SOD2: variants seen among roughly 807,000 people sequenced by gnomAD.
SOD2 encodes the protein superoxide dismutase 2, also known as superoxide dismutase [Mn], mitochondrial.
SOD2 carries 11 observed loss-of-function variants against 27.0 expected under a neutral mutation model. The ratio of observed to expected loss-of-function variants is 0.41; its 90% CI spans 0.26 to 0.67. SOD2 has a LOEUF of 0.67. SOD2 is among the 30% of genes least tolerant of loss of function. The probability of loss-of-function intolerance (pLI) is 0.34; values close to 1 mark genes in which losing one functional copy is unlikely to be tolerated. For missense variants in SOD2, 250 were observed against 274.5 expected, an observed-to-expected ratio of 0.91 and a Z score of 0.63; for synonymous variants, 105 against 103.0, an observed-to-expected ratio of 1.02 and a Z score of -0.12.
At chr6:159,697,957 T>A (rs536527447), upstream of SOD2, among the ~76,000 whole-genome samples, 76 of 152,196 alleles carry the variant, frequency 5.0e-4, no homozygotes, top group Admixed American at 1.1e-3. Flanking sequence ...CTGGCCAACA[T>A]GGTGAAACCC....
intron 1 of SOD2, among the ~76,000 whole-genome samples, chr6:159,717,545 CTAT>C (rs1246759955): frequency 6.6e-6 from 1 of 152,130 alleles, no homozygotes; most frequent in East Asian, 1.9e-4. Context: ...ATTCAAATAT[CTAT>C]TATTTCTTTG....
rs111932299 is a variant in SOD2 at position 159,738,878 on chromosome 6, A to G, written c.-116+6252T>C. The G allele has an allele frequency of 1.0e-5, 7 of 696,424 alleles. 1 individual carries two copies. The highest frequency in any genetic ancestry group is 3.7e-5 in the African/African-American group (2 of 54,144). 43.1% of individuals were successfully genotyped at this position (696,424 alleles called of 1,614,324 possible). ...TAAAATACTTTTTCAAAAAATCATA[A>G]TATGTACTGAGCCGTTTAAATCTCA... On this transcript the variant is annotated intron_variant, in intron 1 of 3. Transcript: ENST00000537657.
At chr6:159,732,977 T>C (rs1445188485) in intron 1 of SOD2, among the ~76,000 whole-genome samples, 1 of 151,852 alleles carries the variant, frequency 6.6e-6, no homozygotes, top group Non-Finnish European at 1.5e-5. Flanking sequence ...AGATTTGATA[T>C]CTGGGTTCTA....
chr6:159,738,943 G>T (rs1779081076), intron 1 of SOD2: 2 of 1,435,700 alleles, frequency 1.4e-6, no homozygotes, highest in Non-Finnish European at 1.9e-6. Flanking sequence ...ATAGAACTTT[G>T]TGTCTTCAGG....
intron 1 of SOD2, among the ~76,000 whole-genome samples, chr6:159,715,148 G>C (rs996100592): frequency 4.6e-5 from 7 of 152,040 alleles, no homozygotes; most frequent in Non-Finnish European, 1.0e-4. Flanking sequence ...TTGTTGTGTA[G>C]GAGAGAGTTT....
In SOD2 at chr6:159,673,255, G is replaced by C. The variant is rs1779706914; in HGVS notation, c.*9238C>G. ...AGCTCTGCACCAAGCAGACCTAATAGACATCTACAGAACTCTCCACCCCAA... is the reference window on the plus strand; with the variant it reads ...AGCTCTGCACCAAGCAGACCTAATACACATCTACAGAACTCTCCACCCCAA... On this transcript the variant is annotated 3_prime_UTR_variant, in exon 5 of 5. Transcript: ENST00000538183. 6.6e-6 allele frequency: 1 copy of C among 152,166 alleles called. No individual in the cohort carries two copies. Among genetic ancestry groups the C allele is most frequent in the African/African-American group, 2.4e-5 (1 of 41,448 alleles). 9.4% of individuals were successfully genotyped at this position (152,166 alleles called of 1,614,324 possible). A position where few individuals can be genotyped will look rare whatever the true frequency, so the allele number is the denominator to read the frequency against.
At chr6:159,686,580 C>T (rs1182155786) in intron 3 of SOD2, among the ~76,000 whole-genome samples, 3 of 152,118 alleles carry the variant, frequency 2.0e-5, no homozygotes, top group African/African-American at 7.2e-5. Context: ...CCGGGATGGG[C>T]AGAGGCTGCA....
At chr6:159,693,295 A>T, upstream of SOD2, 1 of 659,416 alleles carries the variant, frequency 1.5e-6, no homozygotes, top group Non-Finnish European at 2.3e-6. Context: ...CAGGGCCGCG[A>T]CCCCAGCTGC....
chr6:159,755,765 CTTTTTTTTTT>C lies in SOD2; in HGVS notation c.-336+5262_-336+5271del. Reference sequence around the variant, plus strand: ...TTTTTCTTTGTTTTTTTTTTCTTTTCTTTTTTTTTTTTTTTTTTTTTTTTTGCTTCAATAC... The same window carrying C: ...TTTTTCTTTGTTTTTTTTTTCTTTTCTTTTTTTTTTTTTTTGCTTCAATAC... On this transcript the variant is annotated intron_variant, in intron 1 of 7. Coordinates refer to the SOD2 transcript ENST00000546087. 72 of 173,366 alleles carry C rather than the reference CTTTTTTTTTT, an allele frequency of 4.2e-4. No individual in the cohort carries two copies. The East Asian group carries it at 0.01, about 25-fold the overall frequency. The allele number at this position is 173,366 out of a possible 1,614,324, so 10.7% of individuals were successfully genotyped here.
intron 3 of SOD2, among the ~76,000 whole-genome samples, chr6:159,686,786 T>C (rs954749193): frequency 1.3e-5 from 2 of 152,208 alleles, no homozygotes; most frequent in African/African-American, 4.8e-5. Context: ...ATAACACTGA[T>C]TAAAAATGAA....
intron 1 of SOD2, among the ~76,000 whole-genome samples, chr6:159,706,387 G>A (rs983993752): frequency 2.4e-4 from 36 of 152,250 alleles, no homozygotes; most frequent in Admixed American, 5.9e-4. Flanking sequence ...CACATGCAGA[G>A]ACACACATAG....
intron 1 of SOD2, chr6:159,760,807 G>C (rs1328391917): frequency 6.6e-6 from 1 of 152,224 alleles, no homozygotes; most frequent in Non-Finnish European, 1.5e-5. Context: ...GGATAGAATA[G>C]AGCAAAAGCC....
upstream of SOD2, among the ~76,000 whole-genome samples, chr6:159,695,049 A>C (rs1777395989): frequency 6.6e-6 from 1 of 152,108 alleles, no homozygotes. Flanking sequence ...GGATGAAGGG[A>C]GTGCAGGCTA....
upstream of SOD2, chr6:159,748,320 C>T: frequency 6.2e-7 from 1 of 1,613,998 alleles, no homozygotes; most frequent in Non-Finnish European, 8.5e-7. This position sits in a 1 kb window ranked among gnomAD's most constrained non-coding sequence, Gnocchi z 5.6. Context: ...TAAAGACAAA[C>T]TGGAACAAGC....
At chr6:159,734,823 A>G (rs184107675) in intron 1 of SOD2, among the ~76,000 whole-genome samples, 141 of 152,278 alleles carry the variant, frequency 9.3e-4, no homozygotes, top group Non-Finnish European at 1.6e-3. Context: ...TATGTTTGTC[A>G]GGTTAGCTCT....
At chr6:159,695,032 CTT>C (rs1457028528), upstream of SOD2, among the ~76,000 whole-genome samples, 1 of 152,098 alleles carries the variant, frequency 6.6e-6, no homozygotes, top group Admixed American at 6.6e-5. Flanking sequence ...CTGGCACTGA[CTT>C]GGGGGGATGA....
At chr6:159,694,168 G>A, upstream of SOD2, among the ~76,000 whole-genome samples, 1 of 152,162 alleles carries the variant, frequency 6.6e-6, no homozygotes, top group East Asian at 1.9e-4. Context: ...TAACATAAAA[G>A]GACAACAGAG....
chr6:159,691,362 A>C (rs1474112768), intron 2 of SOD2: 1 of 152,142 alleles, frequency 6.6e-6, no homozygotes, highest in African/African-American at 2.4e-5. Flanking sequence ...GAATGTGGTA[A>C]CTTCCTCCTC....
chr6:159,671,830 C>T lies in SOD2; in HGVS notation c.*10663G>A, dbSNP rs1041690881. On this transcript the variant is annotated 3_prime_UTR_variant, in exon 5 of 5. Coordinates refer to ENST00000538183, the MANE Select transcript of SOD2 (RefSeq NM_000636.4). Reference sequence around the variant, plus strand: ...GGAAGTTCGAACCCATCACAAAGAACCTAAAAACCTTGAAAAAAGATTAGA... The same window carrying T: ...GGAAGTTCGAACCCATCACAAAGAATCTAAAAACCTTGAAAAAAGATTAGA... The T allele has an allele frequency of 7.9e-5, 12 of 152,034 alleles. No homozygotes were observed. The highest frequency in any genetic ancestry group is 4.1e-4 in the South Asian group (2 of 4,824). The allele number at this position is 152,034 out of a possible 1,614,324, so 9.4% of individuals were successfully genotyped here.
Sources: gnomAD v4.1 joint callset for allele counts (sites outside exome capture counted in the v4.1 genomes callset) on GRCh38, gnomAD v4.1.1 for gene constraint, Gnocchi (gnomAD v3.1) non-coding constraint, MANE v1.5 for transcripts, NCBI Gene and HGNC (gene_info 2026-07-23, HGNC 2026-07-21) for gene names.